The following PTPRD variants were observed in gnomAD, a reference collection of about 807,000 sequenced individuals.
PTPRD encodes the protein protein tyrosine phosphatase receptor type D.
In PTPRD, 34 loss-of-function variants were observed where a neutral mutation model predicts 214.5. That is an observed-to-expected ratio of 0.16 (90% CI 0.12 to 0.21). PTPRD has a LOEUF of 0.21. Ranked by LOEUF, PTPRD falls within the 10% of genes least tolerant of loss-of-function variation. The pLI, the probability that PTPRD is intolerant of heterozygous loss-of-function variation, is 1.00. For missense variants in PTPRD, 2,545 were observed against 2,398.7 expected, an observed-to-expected ratio of 1.06 and a Z score of -1.27; for synonymous variants, 1,128 against 845.7, an observed-to-expected ratio of 1.33 and a Z score of -5.79.
At chr9:10,496,712 T>G (rs2042142792) in intron 2 of PTPRD, among the ~76,000 whole-genome samples, 1 of 152,008 alleles carries the variant, frequency 6.6e-6, no homozygotes, top group African/African-American at 2.4e-5. Context: ...ATTAGTGATG[T>G]TGAGCATTTT....
intron 5 of PTPRD, among the ~76,000 whole-genome samples, chr9:9,796,735 A>C (rs143204881): frequency 6.6e-5 from 10 of 152,318 alleles, no homozygotes; most frequent in African/African-American, 2.2e-4. Flanking sequence ...AAAAACCTAA[A>C]AATAGCAAAG....
At chr9:10,385,652 C>G (rs761515805) in intron 2 of PTPRD, among the ~76,000 whole-genome samples, 5 of 151,770 alleles carry the variant, frequency 3.3e-5, no homozygotes, top group Non-Finnish European at 7.4e-5. Flanking sequence ...AAATTAATCT[C>G]TTTCAGCTTC....
At chr9:9,737,889 G>GATGAACTGCCAAACTGTCTTCC (rs2154447382) in intron 6 of PTPRD, among the ~76,000 whole-genome samples, 1 of 152,248 alleles carries the variant, frequency 6.6e-6, no homozygotes, top group African/African-American at 2.4e-5. Flanking sequence ...CTATGTGTTT[G>GATGAACTGCCAAACTGTCTTCC]ATGAACTGCC....
intron 2 of PTPRD, among the ~76,000 whole-genome samples, chr9:10,360,802 C>T (rs1413193152): frequency 6.6e-6 from 1 of 151,934 alleles, no homozygotes; most frequent in African/African-American, 2.4e-5. Context: ...TTAAAGGGTC[C>T]TGTAAAATTT....
chr9:9,818,294 G>C (rs953977993), intron 5 of PTPRD, among the ~76,000 whole-genome samples: 1 of 152,084 alleles, frequency 6.6e-6, no homozygotes, highest in Non-Finnish European at 1.5e-5. Flanking sequence ...CTGCCAATGT[G>C]TAAAATCAAA....
At chr9:9,431,915 A>AG (rs1283108540) in intron 8 of PTPRD, among the ~76,000 whole-genome samples, 1 of 52,436 alleles carries the variant, frequency 1.9e-5, no homozygotes. Flanking sequence ...GGGTGGGGGG[A>AG]GGGGGGAGGG....
At chr9:8,910,513 G>C (rs760345570) in intron 11 of PTPRD, among the ~76,000 whole-genome samples, 11 of 152,218 alleles carry the variant, frequency 7.2e-5, no homozygotes, top group African/African-American at 1.4e-4. Flanking sequence ...GAGGAAGAGA[G>C]ACCTGAGCTA....
chr9:9,089,013 T>G (rs1004612066), intron 10 of PTPRD, among the ~76,000 whole-genome samples: 1 of 152,208 alleles, frequency 6.6e-6, no homozygotes, highest in African/African-American at 2.4e-5. Context: ...CAAGGGTTTT[T>G]CACTCAACAT....
intron 7 of PTPRD, among the ~76,000 whole-genome samples, chr9:9,596,564 G>C (rs1053169564): frequency 2.6e-5 from 4 of 151,818 alleles, no homozygotes; most frequent in South Asian, 4.1e-4. Flanking sequence ...GTTTTTCTAA[G>C]ACTAGCAAAA....
At chr9:9,984,900 C>G (rs542180547) in intron 4 of PTPRD, among the ~76,000 whole-genome samples, 1 of 152,046 alleles carries the variant, frequency 6.6e-6, no homozygotes, top group Non-Finnish European at 1.5e-5. Context: ...CATGCACACC[C>G]AAAAACCAAA....
At chr9:9,890,726 T>C (rs2073007624) in intron 5 of PTPRD, among the ~76,000 whole-genome samples, 1 of 151,890 alleles carries the variant, frequency 6.6e-6, no homozygotes, top group East Asian at 1.9e-4. Flanking sequence ...CTGGTGCCAT[T>C]TCCAGAAACA....
chr9:8,719,787 T>C (rs1217309362), intron 12 of PTPRD, among the ~76,000 whole-genome samples: 2 of 152,132 alleles, frequency 1.3e-5, no homozygotes, highest in East Asian at 3.9e-4. Flanking sequence ...GTATAAGGCT[T>C]TTAAAATGTT....
intron 4 of PTPRD, among the ~76,000 whole-genome samples, chr9:10,012,701 C>A (rs1289004698): frequency 6.6e-6 from 1 of 151,882 alleles, no homozygotes; most frequent in Non-Finnish European, 1.5e-5. Context: ...CACAAGAACA[C>A]TGCAATGCTC....
At chr9:9,645,947 C>T (rs965106151) in intron 7 of PTPRD, among the ~76,000 whole-genome samples, 3 of 151,940 alleles carry the variant, frequency 2.0e-5, no homozygotes, top group African/African-American at 7.3e-5. Context: ...TTTGGGGGTA[C>T]ATATGATATT....
At chr9:8,991,986 T>C (rs149327766) in intron 11 of PTPRD, among the ~76,000 whole-genome samples, 576 of 152,144 alleles carry the variant, frequency 3.8e-3, no homozygotes, top group African/African-American at 0.013. Context: ...ATGAAAAAAA[T>C]GAAGAAAGAA....
chr9:9,748,456 A>G (rs2098480664), intron 6 of PTPRD, among the ~76,000 whole-genome samples: 1 of 152,238 alleles, frequency 6.6e-6, no homozygotes, highest in Non-Finnish European at 1.5e-5. Context: ...ATAAAGACGA[A>G]AAAAGATCTG....
At chr9:8,965,113 C>T (rs1416433795) in intron 11 of PTPRD, among the ~76,000 whole-genome samples, 1 of 152,190 alleles carries the variant, frequency 6.6e-6, no homozygotes, top group East Asian at 1.9e-4. Flanking sequence ...CACAGTGGTT[C>T]ATGTCTGTAA....
At chr9:9,768,709 T>A (rs2098726704) in intron 5 of PTPRD, among the ~76,000 whole-genome samples, 1 of 152,154 alleles carries the variant, frequency 6.6e-6, no homozygotes, top group African/African-American at 2.4e-5. Flanking sequence ...GAAACAAAGT[T>A]TTCCACAGGT....
At chr9:10,223,712 T>TA (rs1365877319) in intron 3 of PTPRD, among the ~76,000 whole-genome samples, 1 of 144,036 alleles carries the variant, frequency 6.9e-6, no homozygotes, top group African/African-American at 2.6e-5. Context: ...ATAATAATAA[T>TA]AAAGTAGAGT....
Sources: gnomAD v4.1 joint callset for allele counts (sites outside exome capture counted in the v4.1 genomes callset) on GRCh38, gnomAD v4.1.1 for gene constraint, MANE v1.5 for transcripts, NCBI Gene and HGNC (gene_info 2026-07-23, HGNC 2026-07-21) for gene names.